COL4A3: variants seen among roughly 807,000 people sequenced by gnomAD.
The protein encoded by COL4A3 is collagen alpha-3(IV) chain.
A neutral mutation model predicts 217.4 loss-of-function variants in COL4A3; 135 were observed. That is an observed-to-expected ratio of 0.62 (90% CI 0.54 to 0.72). The LOEUF (loss-of-function observed/expected upper bound fraction) is 0.72, where lower values mean the gene tolerates loss of function less well. Among genes scored for constraint, COL4A3 ranks in the 30% least tolerant of loss-of-function variants. The pLI, the probability that COL4A3 is intolerant of heterozygous loss-of-function variation, is 0.00. For synonymous variants in COL4A3, 690 were observed against 736.3 expected (o/e 0.94, Z 1.02); for missense variants, 1,868 against 2,119.9 (o/e 0.88, Z 2.33).
rs1454949612 is a variant in COL4A3, at chr2:227,309,687, C to T, written c.4755+369C>T. ...AGTGATTTTGGCTCACTGCAACCTC[C>T]GCCTCCCAGGTTCAAGTGATTCTCC... On this transcript the variant is annotated intron_variant, in intron 50 of 51. Transcript: ENST00000396578. Among the ~76,000 whole-genome samples the T allele has an allele frequency of 5.3e-5, 8 of 152,162 alleles. No homozygotes were observed. The South Asian group carries it at 6.2e-4, about 12-fold the overall frequency.
intron 3 of COL4A3, among the ~76,000 whole-genome samples, chr2:227,244,014 G>A (rs970341514): frequency 9.2e-5 from 14 of 152,058 alleles, no homozygotes; most frequent in African/African-American, 1.9e-4. Context: ...GCAGATTCTC[G>A]GTCAATAGTC....
Position 227,292,425 on chromosome 2 carries a change from CATTTAG to C in COL4A3, c.3211-760_3211-755del, listed in dbSNP as rs912820232. On this transcript the variant is annotated intron_variant, in intron 37 of 51. Coordinates refer to ENST00000396578, the MANE Select transcript of COL4A3 (RefSeq NM_000091.5). Reference sequence around the variant, plus strand: ...TTCACACTCAATTAACTGATAGTTTCATTTAGATTTAAAGTTTTCACAGGTAACCAC... The same window carrying C: ...TTCACACTCAATTAACTGATAGTTTCATTTAAAGTTTTCACAGGTAACCAC... 6.2e-4 allele frequency among the ~76,000 whole-genome samples: 94 copies of C among 152,296 alleles called. 1 individual carries two copies. The highest frequency in any genetic ancestry group is 2.1e-4 in the Non-Finnish European group (14 of 68,018).
In COL4A3 at chr2:227,304,971, T is replaced by C. The variant is rs567597811; in HGVS notation, c.4154-14T>C. On this transcript the variant is annotated splice_polypyrimidine_tract_variant and intron_variant, in intron 46 of 51. Coordinates refer to ENST00000396578, the MANE Select transcript of COL4A3 (RefSeq NM_000091.5). ...TATATGATAAAATGCAATACAATGT[T>C]GGTTTTTGCCTAGGACCCTGTGGGC... The C allele has an allele frequency of 3.1e-6, 5 of 1,608,498 alleles. No homozygotes were observed. In the Admixed American group the frequency reaches 6.7e-5, roughly 22 times the overall value.
At chr2:227,209,155 G>A (rs72975987) in intron 1 of COL4A3, among the ~76,000 whole-genome samples, 14,059 of 152,238 alleles carry the variant, frequency 0.092, 753 homozygotes, top group East Asian at 0.22. Context: ...CCAGCACAAT[G>A]TTAATTCCTG....
chr2:227,287,253 G>A (rs1226630245), intron 34 of COL4A3, among the ~76,000 whole-genome samples: 3 of 152,038 alleles, frequency 2.0e-5, no homozygotes, highest in Non-Finnish European at 4.4e-5. Flanking sequence ...CCAACATAGT[G>A]AAACCCCAAC....
At chr2:227,176,700 C>A (rs185447047) in intron 1 of COL4A3, among the ~76,000 whole-genome samples, 34 of 152,172 alleles carry the variant, frequency 2.2e-4, no homozygotes, top group Non-Finnish European at 2.5e-4. Context: ...GGATTTTTTT[C>A]CCACCGGGAT....
intron 1 of COL4A3, among the ~76,000 whole-genome samples, chr2:227,222,150 T>C (rs566010252): frequency 1.1e-5 from 1 of 90,180 alleles, no homozygotes; most frequent in Non-Finnish European, 2.4e-5. Flanking sequence ...ATAATAATAA[T>C]AATAATAATA....
chr2:227,239,738 T>C (rs4432445), intron 2 of COL4A3, among the ~76,000 whole-genome samples: 111,284 of 152,094 alleles, frequency 0.73, 41,787 homozygotes, highest in East Asian at 0.9. Flanking sequence ...ATAGTAATTA[T>C]GCACACTCCC....
At chr2:227,189,983 A>C (rs1376100947) in intron 1 of COL4A3, among the ~76,000 whole-genome samples, 1 of 152,202 alleles carries the variant, frequency 6.6e-6, no homozygotes, top group Admixed American at 6.5e-5. Context: ...CATCAGAGAA[A>C]AACTTTGGAG....
chr2:227,290,197 T>TA lies in COL4A3; in HGVS notation c.3070+115dup, dbSNP rs886769931. Reference sequence around the variant, plus strand: ...TTTCCACTTGGTAGAAAGCTTATATTAAAAAACTAGATTTGCGGGGCCGGG... The same window carrying TA: ...TTTCCACTTGGTAGAAAGCTTATATTAAAAAAACTAGATTTGCGGGGCCGGG... On this transcript the variant is annotated intron_variant, in intron 36 of 51. Transcript: ENST00000396578. 18 of 1,095,768 alleles carry TA rather than the reference T, an allele frequency of 1.6e-5. No homozygotes were observed. The African/African-American group carries it at 2.8e-4, about 17-fold the overall frequency. The allele number at this position is 1,095,768 out of a possible 1,614,324, so 67.9% of individuals were successfully genotyped here.
intron 9 of COL4A3, 97 bp downstream of exon 9, chr2:227,248,617 G>A: frequency 1.2e-6 from 1 of 805,570 alleles, no homozygotes; most frequent in Non-Finnish European, 2.2e-6. Context: ...TCCCCCATAA[G>A]TCCCTCTCAC....
At chr2:227,214,187 C>T (rs1414624642) in intron 1 of COL4A3, among the ~76,000 whole-genome samples, 3 of 152,106 alleles carry the variant, frequency 2.0e-5, no homozygotes, top group Non-Finnish European at 4.4e-5. Flanking sequence ...TACAAAAATT[C>T]TCAGTAATTT....
At chr2:227,269,762 C>CAT (rs1189525153) in intron 23 of COL4A3, 148 bp from the exon 24 acceptor site, 1 of 673,736 alleles carries the variant, frequency 1.5e-6, no homozygotes, top group Non-Finnish European at 2.7e-6. Flanking sequence ...TATTTACTCC[C>CAT]ATTCTCTTAT....
intron 11 of COL4A3, 85 bp downstream of exon 11, chr2:227,251,456 AC>A (rs2069736886): frequency 8.0e-7 from 1 of 1,247,060 alleles, no homozygotes; most frequent in South Asian, 1.2e-5. Context: ...CATGTGGGTC[AC>A]TGTTAGGCAC....
chr2:227,220,786 A>G (rs1210166023), intron 1 of COL4A3, among the ~76,000 whole-genome samples: 1 of 152,176 alleles, frequency 6.6e-6, no homozygotes, highest in Non-Finnish European at 1.5e-5. Context: ...TATATGACAA[A>G]GTGTATTGAA....
At chr2:227,242,919 T>C (rs1253405340) in intron 3 of COL4A3, among the ~76,000 whole-genome samples, 1 of 152,206 alleles carries the variant, frequency 6.6e-6, no homozygotes, top group Non-Finnish European at 1.5e-5. Context: ...CATTTCTCCT[T>C]CTTCCGATCC....
In COL4A3 at chr2:227,191,755, AT is replaced by A. The variant is rs1246144565; in HGVS notation, c.87+26947del. ...TACCTTAAATGAAAATCATTTTCTT[AT>A]TTTTGTAATTATGAAGGCTAAAAAT... is the stretch of plus-strand genomic sequence containing the variant. On this transcript the variant is annotated intron_variant, in intron 1 of 51. Coordinates refer to ENST00000396578, the MANE Select transcript of COL4A3 (RefSeq NM_000091.5). The surrounding 1 kb of genome is among the most constrained non-coding windows in gnomAD (Gnocchi z 6.8). 2.6e-5 allele frequency among the ~76,000 whole-genome samples: 4 copies of A among 152,198 alleles called. No homozygotes were observed. Among genetic ancestry groups the A allele is most frequent in the Non-Finnish European group, 5.9e-5 (4 of 68,024 alleles).
In COL4A3 at chr2:227,253,135, C is replaced by T. The variant is rs1018552387; in HGVS notation, c.646-161C>T. ...TTAAGAGCTCCTCCTTTAAAAGAAA[C>T]ATATCAATGCTCTTCTCTAAGAAAT... On this transcript the variant is annotated intron_variant, in intron 11 of 51. Coordinates refer to ENST00000396578, the MANE Select transcript of COL4A3 (RefSeq NM_000091.5). This position sits in a 1 kb window ranked among gnomAD's most constrained non-coding sequence, Gnocchi z 4.4. Among the ~76,000 whole-genome samples, 1 of 152,162 alleles carries T rather than the reference C, an allele frequency of 6.6e-6. No homozygotes were observed. The highest frequency in any genetic ancestry group is 2.4e-5 in the African/African-American group (1 of 41,434).
intron 1 of COL4A3, among the ~76,000 whole-genome samples, chr2:227,186,478 A>G (rs2066037636): frequency 6.6e-6 from 1 of 152,194 alleles, no homozygotes; most frequent in Admixed American, 6.5e-5. Context: ...GGGAACAGCT[A>G]ATAGTGAGAG....
Sources: gnomAD v4.1 joint callset for allele counts (sites outside exome capture counted in the v4.1 genomes callset) on GRCh38, gnomAD v4.1.1 for gene constraint, Gnocchi (gnomAD v3.1) non-coding constraint, MANE v1.5 for transcripts, NCBI Gene and HGNC (gene_info 2026-07-23, HGNC 2026-07-21) for gene names.